The following FSIP1 variants were observed in gnomAD, a reference collection of about 807,000 sequenced individuals.
The protein encoded by FSIP1 is fibrous sheath interacting protein 1, also known as fibrous sheath-interacting protein 1.
A neutral mutation model predicts 60.9 loss-of-function variants in FSIP1; 65 were observed. That is an observed-to-expected ratio of 1.07 (90% CI 0.87 to 1.31). FSIP1 has a LOEUF of 1.31. Among genes scored for constraint, FSIP1 ranks in the 40% most tolerant of loss-of-function variants. The probability of loss-of-function intolerance (pLI) is 0.00; values close to 1 mark genes in which losing one functional copy is unlikely to be tolerated. For missense variants in FSIP1, 675 were observed against 665.5 expected, an observed-to-expected ratio of 1.01 and a Z score of -0.16; for synonymous variants, 209 against 221.2, an observed-to-expected ratio of 0.94 and a Z score of 0.49.
chr15:39,602,578 G>C (rs187027239), intron 11 of FSIP1, among the ~76,000 whole-genome samples: 11 of 152,330 alleles, frequency 7.2e-5, no homozygotes, highest in African/African-American at 2.6e-4. Context: ...TAGTGGTACT[G>C]TCAACACATG....
chr15:39,605,625 T>C (rs1433017048), intron 11 of FSIP1, among the ~76,000 whole-genome samples: 1 of 152,232 alleles, frequency 6.6e-6, no homozygotes, highest in African/African-American at 2.4e-5. Context: ...AGGTGGGGGC[T>C]GTGTCCTCTT....
intron 10 of FSIP1, among the ~76,000 whole-genome samples, chr15:39,696,870 CTGTGTGTGTGTGTGTG>C (rs67940382): frequency 0.13 from 13,979 of 111,808 alleles, 1,125 homozygotes; most frequent in Non-Finnish European, 0.15. Context: ...GAAGGGGTGT[CTGTGTGTGTGTGTGTG>C]TGTGTGTGTG....
chr15:39,666,071 G>C (rs1247895815), intron 10 of FSIP1, among the ~76,000 whole-genome samples: 1 of 152,148 alleles, frequency 6.6e-6, no homozygotes, highest in Non-Finnish European at 1.5e-5. Flanking sequence ...GGAGCCTCTG[G>C]TTAATAATAA....
intron 10 of FSIP1, among the ~76,000 whole-genome samples, chr15:39,706,925 C>T (rs1895296376): frequency 6.6e-6 from 1 of 152,174 alleles, no homozygotes; most frequent in South Asian, 2.1e-4. Flanking sequence ...CTATCTCATT[C>T]TTTTGATAGG....
chr15:39,722,453 G>T (rs149328135), intron 9 of FSIP1, among the ~76,000 whole-genome samples: 1 of 152,078 alleles, frequency 6.6e-6, no homozygotes, highest in Non-Finnish European at 1.5e-5. Flanking sequence ...AGTCCCTGAC[G>T]CCAAAATACT....
chr15:39,776,641 G>T, intron 1 of FSIP1, 110 bp from the exon 2 acceptor site: 3 of 984,182 alleles, frequency 3.0e-6, no homozygotes, highest in African/African-American at 1.6e-5. Context: ...AGATTATGTT[G>T]CTACTGAAGT....
rs149804592 is a variant in FSIP1 at position 39,622,814 on chromosome 15, C to T, written c.1189-4569G>A. ...TGCCACTCGCTGTAAATGAGTTCTC[C>T]CTCTACCACCCTCCAAGTGTCCTTT... On this transcript the variant is annotated intron_variant, in intron 10 of 11. Coordinates refer to ENST00000350221, the MANE Select transcript of FSIP1 (RefSeq NM_152597.5). Among the ~76,000 whole-genome samples, 225 of 152,172 alleles carry T rather than the reference C, an allele frequency of 1.5e-3. 1 individual carries two copies. Among genetic ancestry groups the T allele is most frequent in the African/African-American group, 5.3e-3 (220 of 41,508 alleles).
chr15:39,603,471 G>A (rs1313830377), intron 11 of FSIP1, among the ~76,000 whole-genome samples: 1 of 152,238 alleles, frequency 6.6e-6, no homozygotes, highest in African/African-American at 2.4e-5. Context: ...ACTCAGTATA[G>A]CTTAAATGCC....
At chr15:39,614,661 A>G (rs981615287) in intron 11 of FSIP1, among the ~76,000 whole-genome samples, 92 of 150,340 alleles carry the variant, frequency 6.1e-4, no homozygotes, top group Non-Finnish European at 1.3e-3. Flanking sequence ...AAAAAAAAAA[A>G]AAGAAGATGT....
intron 10 of FSIP1, among the ~76,000 whole-genome samples, chr15:39,648,596 A>C (rs1219010274): frequency 6.6e-6 from 1 of 152,254 alleles, no homozygotes; most frequent in African/African-American, 2.4e-5. Context: ...AACTCAGAAG[A>C]AGTAAGTTAA....
At chr15:39,710,578 C>T (rs1895465925) in intron 10 of FSIP1, among the ~76,000 whole-genome samples, 2 of 151,730 alleles carry the variant, frequency 1.3e-5, no homozygotes, top group Non-Finnish European at 2.9e-5. Context: ...GGAACCCAAA[C>T]ATTTTGCTCA....
At chr15:39,626,217 G>C (rs1261984537) in intron 10 of FSIP1, among the ~76,000 whole-genome samples, 6 of 152,138 alleles carry the variant, frequency 3.9e-5, no homozygotes, top group African/African-American at 1.2e-4. Context: ...TAAATACTTT[G>C]CTTGATATCA....
chr15:39,636,742 C>T (rs902252291), intron 10 of FSIP1, among the ~76,000 whole-genome samples: 1 of 152,210 alleles, frequency 6.6e-6, no homozygotes, highest in Non-Finnish European at 1.5e-5. Flanking sequence ...CCTTAGTTGA[C>T]AACTTGCATT....
At chr15:39,742,523 TAACATA>T (rs1170197796) in intron 5 of FSIP1, among the ~76,000 whole-genome samples, 5 of 152,208 alleles carry the variant, frequency 3.3e-5, no homozygotes, top group African/African-American at 1.2e-4. Context: ...AAGACGCCGT[TAACATA>T]AACGTTTTAT....
rs1347773733 is a variant in FSIP1 at position 39,782,840 on chromosome 15, A to C, written c.-220T>G. The C allele has an allele frequency of 6.6e-6, 1 of 152,362 alleles. No individual in the cohort carries two copies. Among genetic ancestry groups the C allele is most frequent in the African/African-American group, 2.4e-5 (1 of 41,436 alleles). 9.4% of individuals were successfully genotyped at this position (152,362 alleles called of 1,614,324 possible). On this transcript the variant is annotated 5_prime_UTR_variant, in exon 1 of 12. Coordinates refer to ENST00000350221, the MANE Select transcript of FSIP1 (RefSeq NM_152597.5). ...TGTTTCCCTGGCAACCAGATGCGCG[A>C]TGCTTCCGGTCTCGCGATAGCGGAA...
intron 10 of FSIP1, among the ~76,000 whole-genome samples, chr15:39,704,812 A>G (rs1272074548): frequency 6.6e-6 from 1 of 152,218 alleles, no homozygotes; most frequent in Non-Finnish European, 1.5e-5. Flanking sequence ...TGACAAGAGC[A>G]TGTCGAAATA....
chr15:39,716,812 C>CT (rs72106293), intron 9 of FSIP1, among the ~76,000 whole-genome samples: 28,638 of 109,238 alleles, frequency 0.26, 5,237 homozygotes, highest in East Asian at 0.58. Context: ...CAGGCCATGT[C>CT]TTTTTTTTTT....
At chr15:39,776,193 A>T (rs1218036919) in intron 2 of FSIP1, among the ~76,000 whole-genome samples, 2 of 32,658 alleles carry the variant, frequency 6.1e-5, no homozygotes, top group Non-Finnish European at 1.4e-4. Context: ...CGGAGGGAGG[A>T]GAGAGAGGGA....
Position 39,763,758 on chromosome 15 carries a change from T to G in FSIP1, c.559+63A>C, listed in dbSNP as rs761424794. On this transcript the variant is annotated intron_variant, in intron 5 of 11. Coordinates refer to ENST00000350221, the MANE Select transcript of FSIP1 (RefSeq NM_152597.5). The stretch of plus-strand genomic sequence containing the variant: ...AGAAAAACTGGATTGGGAATTTTAC[T>G]TTAATCCAAATATTCCATGACTCAG... 8.8e-5 allele frequency: 76 copies of G among 865,488 alleles called. 1 individual carries two copies. Among genetic ancestry groups the G allele is most frequent in the Middle Eastern group, 2.3e-4 (1 of 4,400 alleles). The allele number at this position is 865,488 out of a possible 1,614,324, so 53.6% of individuals were successfully genotyped here.
Sources: allele counts gnomAD v4.1 joint callset (sites outside exome capture counted in the v4.1 genomes callset), GRCh38; gene constraint gnomAD v4.1.1; transcripts MANE v1.5; gene names NCBI Gene and HGNC (gene_info 2026-07-23, HGNC 2026-07-21).